PSD3: variants seen among roughly 807,000 people sequenced by gnomAD.
PSD3 encodes pleckstrin and Sec7 domain containing 3.
PSD3 carries 49 observed loss-of-function variants against 105.5 expected under a neutral mutation model. The observed-to-expected ratio is 0.46, with a 90% CI of 0.37 to 0.59. The LOEUF is 0.59. Among genes scored for constraint, PSD3 ranks in the 20% least tolerant of loss-of-function variants. PSD3 has a pLI of 0.00. For missense variants in PSD3, 1,561 were observed against 1,263.8 expected (o/e 1.24, Z -3.57); for synonymous variants, 557 against 457.8 (o/e 1.22, Z -2.77).
chr8:18,988,491 C>A (rs1027884348), intron 1 of PSD3, among the ~76,000 whole-genome samples: 19 of 152,268 alleles, frequency 1.2e-4, no homozygotes, highest in African/African-American at 4.6e-4. Context: ...TAGGCCATTG[C>A]CCTTGGGTCT....
At chr8:18,977,926 C>T (rs1825031831) in intron 1 of PSD3, among the ~76,000 whole-genome samples, 1 of 152,162 alleles carries the variant, frequency 6.6e-6, no homozygotes, top group Non-Finnish European at 1.5e-5. Context: ...AACTGAGAGG[C>T]TTCCAATGAT....
chr8:18,801,363 A>T lies in PSD3; in HGVS notation c.1930T>A (p.Ser644Thr), dbSNP rs376053010. 6.2e-7 allele frequency: 1 copy of T among 1,600,750 alleles called. No individual in the cohort carries two copies. Among genetic ancestry groups the T allele is most frequent in the Non-Finnish European group, 8.5e-7 (1 of 1,170,734 alleles). The change falls in exon 7 of 16, where the codon TCT (serine) becomes ACT (threonine). Residue 644 changes from serine (S) to threonine (T), a missense_variant. By Grantham distance (58) the Ser-to-Thr change is moderately conservative (BLOSUM62 1). Coordinates refer to ENST00000327040, the MANE Select transcript of PSD3 (RefSeq NM_015310.4). Reference sequence around the variant, plus strand: ...CGTTCTTGAGTTTCTCCCACAAGAGAGAATGCTTTAAAGAAATACCTACAA... The same window carrying T: ...CGTTCTTGAGTTTCTCCCACAAGAGTGAATGCTTTAAAGAAATACCTACAA... ...QSLRYFFKAF[S>T]LVGETQERER...
intron 11 of PSD3, among the ~76,000 whole-genome samples, chr8:18,619,266 A>T (rs1225548208): frequency 6.6e-6 from 1 of 152,170 alleles, no homozygotes; most frequent in African/African-American, 2.4e-5. Flanking sequence ...TTCAGGCCCG[A>T]CTGACCAGCA....
chr8:18,900,932 A>G (rs1444679802), intron 2 of PSD3, among the ~76,000 whole-genome samples: 1 of 152,204 alleles, frequency 6.6e-6, no homozygotes, highest in East Asian at 1.9e-4. Flanking sequence ...TGGCTTCAAC[A>G]TTATTATATA....
intron 1 of PSD3, among the ~76,000 whole-genome samples, chr8:18,954,393 G>C (rs1050459482): frequency 2.0e-5 from 3 of 150,730 alleles, no homozygotes; most frequent in South Asian, 2.1e-4. Flanking sequence ...GAAAAAAAAA[G>C]AGTAGTATGG....
intron 10 of PSD3, among the ~76,000 whole-genome samples, chr8:18,644,099 T>C (rs1807855039): frequency 6.6e-6 from 1 of 152,202 alleles, no homozygotes; most frequent in African/African-American, 2.4e-5. Context: ...GCCTCAAAGA[T>C]CTCTGAAATG....
At chr8:18,687,257 A>G (rs2130976734) in intron 9 of PSD3, among the ~76,000 whole-genome samples, 1 of 152,260 alleles carries the variant, frequency 6.6e-6, no homozygotes, top group Admixed American at 6.5e-5. Flanking sequence ...TGAGTCCAAG[A>G]GTTCAAGACC....
upstream of PSD3, among the ~76,000 whole-genome samples, chr8:19,018,476 G>A (rs914409323): frequency 2.0e-4 from 30 of 152,176 alleles, 1 homozygote; most frequent in Middle Eastern, 3.4e-3. Flanking sequence ...TGCATTGCTC[G>A]TATATAAATT....
intron 9 of PSD3, among the ~76,000 whole-genome samples, chr8:18,672,701 T>C (rs1468114324): frequency 1.3e-5 from 2 of 152,246 alleles, no homozygotes; most frequent in East Asian, 3.8e-4. Flanking sequence ...GACAACTGTT[T>C]CTCAAGAAAG....
intron 10 of PSD3, among the ~76,000 whole-genome samples, chr8:18,636,414 TA>T (rs1320538122): frequency 6.6e-6 from 1 of 152,182 alleles, no homozygotes; most frequent in Non-Finnish European, 1.5e-5. Context: ...AAAGCTAAAA[TA>T]ACGAGTTTAT....
At chr8:18,855,566 A>T (rs1172419541) in intron 4 of PSD3, among the ~76,000 whole-genome samples, 4 of 152,240 alleles carry the variant, frequency 2.6e-5, no homozygotes, top group African/African-American at 9.6e-5. Context: ...CAATCTAGAA[A>T]TACAGGTATG....
At chr8:18,616,350 C>T (rs971800657) in intron 11 of PSD3, among the ~76,000 whole-genome samples, 8 of 152,194 alleles carry the variant, frequency 5.3e-5, no homozygotes, top group Non-Finnish European at 1.0e-4. Context: ...AGAGGCCCTG[C>T]AAACAGAAGT....
chr8:18,898,007 G>C (rs948387241), intron 2 of PSD3, among the ~76,000 whole-genome samples: 3 of 152,128 alleles, frequency 2.0e-5, no homozygotes. Flanking sequence ...TCTTGTTCCA[G>C]AGCTAGAGGA....
At chr8:18,847,155 C>A (rs1209836332) in intron 4 of PSD3, among the ~76,000 whole-genome samples, 1 of 152,142 alleles carries the variant, frequency 6.6e-6, no homozygotes. Context: ...AGAAACCAGG[C>A]CCCTCTGAAA....
intron 10 of PSD3, among the ~76,000 whole-genome samples, chr8:18,653,776 A>G (rs1412426284): frequency 1.3e-5 from 2 of 152,222 alleles, no homozygotes; most frequent in African/African-American, 2.4e-5. Context: ...TTAAAAAAAA[A>G]AACCTAGATT....
intron 9 of PSD3, among the ~76,000 whole-genome samples, chr8:18,735,941 A>C (rs1021010033): frequency 6.6e-6 from 1 of 152,174 alleles, no homozygotes; most frequent in African/African-American, 2.4e-5. Context: ...AAGAATAAAT[A>C]AAAACAATTG....
intron 9 of PSD3, among the ~76,000 whole-genome samples, chr8:18,723,323 A>C (rs1803127478): frequency 6.6e-6 from 1 of 152,228 alleles, no homozygotes; most frequent in South Asian, 2.1e-4. Context: ...CTTAGGAATG[A>C]GCTGTCATGC....
intron 2 of PSD3, among the ~76,000 whole-genome samples, chr8:18,921,445 C>T (rs1370092519): frequency 6.6e-6 from 1 of 152,210 alleles, no homozygotes; most frequent in African/African-American, 2.4e-5. Flanking sequence ...ACTGCATAGG[C>T]ATGGGTTAAG....
intron 2 of PSD3, among the ~76,000 whole-genome samples, chr8:18,876,481 G>T (rs866329527): frequency 6.6e-4 from 100 of 152,036 alleles, no homozygotes; most frequent in African/African-American, 2.4e-3. Context: ...TGACCTCCTG[G>T]GCTCAAGCCA....
Sources: gnomAD v4.1 joint callset for allele counts (sites outside exome capture counted in the v4.1 genomes callset) on GRCh38, gnomAD v4.1.1 for gene constraint, MANE v1.5 for transcripts, NCBI Gene and HGNC (gene_info 2026-07-23, HGNC 2026-07-21) for gene names.